SYN2: variants seen among roughly 807,000 people sequenced by gnomAD.
SYN2 encodes the protein synapsin-2.
In SYN2, 19 loss-of-function variants were observed where a neutral mutation model predicts 50.9. The ratio of observed to expected loss-of-function variants is 0.37; its 90% CI spans 0.26 to 0.55. The LOEUF is 0.55. Ranked by LOEUF, SYN2 falls within the 20% of genes least tolerant of loss-of-function variation. SYN2 has a pLI of 0.81. For synonymous variants in SYN2, 255 were observed against 224.9 expected, an observed-to-expected ratio of 1.13 and a Z score of -1.20; for missense variants, 587 against 576.4, an observed-to-expected ratio of 1.02 and a Z score of -0.19.
At chr3:12,178,931 G>A (rs1438093677) in intron 10 of SYN2, among the ~76,000 whole-genome samples, 1 of 152,228 alleles carries the variant, frequency 6.6e-6, no homozygotes, top group Non-Finnish European at 1.5e-5. Context: ...CCAATTCAGG[G>A]AGTTCTCCAC....
At chr3:12,142,201 A>G (rs1007640992) in intron 3 of SYN2, among the ~76,000 whole-genome samples, 10 of 152,210 alleles carry the variant, frequency 6.6e-5, no homozygotes, top group South Asian at 6.2e-4. Context: ...AGTGGTAGAG[A>G]AAACAACCTG....
intron 1 of SYN2, among the ~76,000 whole-genome samples, chr3:12,022,582 A>AT (rs767891060): frequency 6.6e-6 from 1 of 151,296 alleles, no homozygotes; most frequent in African/African-American, 2.4e-5. Flanking sequence ...TAATTTTTGT[A>AT]TTTTTTTAGT....
chr3:12,137,433 C>G (rs1696918633), intron 1 of SYN2, among the ~76,000 whole-genome samples: 1 of 152,196 alleles, frequency 6.6e-6, no homozygotes, highest in Admixed American at 6.5e-5. Context: ...GTAACTGTGT[C>G]TGTTCCTTGT....
At chr3:12,111,817 T>C (rs1696322430) in intron 1 of SYN2, among the ~76,000 whole-genome samples, 1 of 152,236 alleles carries the variant, frequency 6.6e-6, no homozygotes, top group East Asian at 1.9e-4. Flanking sequence ...TATTGACTAC[T>C]GTTCCACGTT....
At chr3:12,022,555 A>G (rs940075497) in intron 1 of SYN2, among the ~76,000 whole-genome samples, 27 of 151,138 alleles carry the variant, frequency 1.8e-4, no homozygotes, top group African/African-American at 6.6e-4. Context: ...CTACAGGTGC[A>G]CGCCACCATG....
chr3:12,103,625 A>G (rs1696120817), intron 1 of SYN2, among the ~76,000 whole-genome samples: 1 of 152,116 alleles, frequency 6.6e-6, no homozygotes, highest in Non-Finnish European at 1.5e-5. Context: ...AGATTGAGAA[A>G]CCCGCTTCCA....
At chr3:12,021,236 A>G (rs1487267373) in intron 1 of SYN2, among the ~76,000 whole-genome samples, 5 of 152,324 alleles carry the variant, frequency 3.3e-5, no homozygotes, top group East Asian at 1.9e-4. Flanking sequence ...GAGACCAACT[A>G]CTTGATCAAA....
chr3:12,145,582 G>T, intron 3 of SYN2, 97 bp from the exon 4 acceptor site: 1 of 1,387,314 alleles, frequency 7.2e-7, no homozygotes. Context: ...TGGTTCCTAA[G>T]CCCTCTTCTT....
At chr3:12,035,266 G>A (rs1694473571) in intron 1 of SYN2, among the ~76,000 whole-genome samples, 3 of 152,206 alleles carry the variant, frequency 2.0e-5, no homozygotes, top group Admixed American at 2.0e-4. Flanking sequence ...TGCCCCCTTG[G>A]CTTTGCTGGG....
intron 4 of SYN2, among the ~76,000 whole-genome samples, chr3:12,146,356 T>A (rs752721246): frequency 6.6e-6 from 1 of 152,196 alleles, no homozygotes; most frequent in African/African-American, 2.4e-5. Context: ...CAAATACTTA[T>A]GAGCTAGAAG....
At chr3:12,013,286 C>T (rs188466665) in intron 1 of SYN2, among the ~76,000 whole-genome samples, 1 of 152,294 alleles carries the variant, frequency 6.6e-6, no homozygotes, top group Non-Finnish European at 1.5e-5. Flanking sequence ...TCTCTTCATA[C>T]TTGTTTTATC....
intron 10 of SYN2, among the ~76,000 whole-genome samples, chr3:12,180,914 A>T (rs1698206226): frequency 6.6e-6 from 1 of 152,216 alleles, no homozygotes; most frequent in Admixed American, 6.5e-5. Flanking sequence ...TTAAAGCTTA[A>T]TCTATGGGAT....
intron 1 of SYN2, among the ~76,000 whole-genome samples, chr3:12,085,003 A>AG (rs1695661033): frequency 6.6e-6 from 1 of 151,716 alleles, no homozygotes; most frequent in Non-Finnish European, 1.5e-5. Context: ...ACTAGGAAAA[A>AG]AAAAATCAGC....
chr3:12,142,345 C>CTT (rs1697039508), intron 3 of SYN2, among the ~76,000 whole-genome samples: 1 of 152,182 alleles, frequency 6.6e-6, no homozygotes, highest in Non-Finnish European at 1.5e-5. Flanking sequence ...AGTTCCATTG[C>CTT]TTTAAAACAA....
chr3:12,143,694 G>T (rs1464347000), intron 3 of SYN2, among the ~76,000 whole-genome samples: 1 of 152,120 alleles, frequency 6.6e-6, no homozygotes, highest in Non-Finnish European at 1.5e-5. Flanking sequence ...TCCACTGATG[G>T]ATACTTAGGT....
At chr3:12,056,176 T>G (rs1438540358) in intron 1 of SYN2, among the ~76,000 whole-genome samples, 5 of 152,064 alleles carry the variant, frequency 3.3e-5, no homozygotes, top group Admixed American at 3.3e-4. Flanking sequence ...TTTGTTTTTT[T>G]TTTTTTAAAT....
intron 10 of SYN2, among the ~76,000 whole-genome samples, chr3:12,174,572 C>T (rs941897541): frequency 1.3e-5 from 2 of 152,170 alleles, no homozygotes; most frequent in African/African-American, 4.8e-5. Flanking sequence ...ACCACCGCCT[C>T]CCGGGTTCAA....
At chr3:12,069,243 C>A (rs1371695205) in intron 1 of SYN2, among the ~76,000 whole-genome samples, 1 of 73,828 alleles carries the variant, frequency 1.4e-5, no homozygotes, top group Non-Finnish European at 2.3e-5. Flanking sequence ...AATTGTATGA[C>A]CTTTTTTTTT....
intron 1 of SYN2, among the ~76,000 whole-genome samples, chr3:12,104,596 A>T (rs1696145103): frequency 2.5e-5 from 2 of 80,824 alleles, no homozygotes; most frequent in African/African-American, 5.0e-5. Context: ...TTTTTTTGAG[A>T]CTGAGTCTCA....
Sources: allele counts gnomAD v4.1 joint callset (sites outside exome capture counted in the v4.1 genomes callset), GRCh38; gene constraint gnomAD v4.1.1; transcripts MANE v1.5; gene names NCBI Gene and HGNC (gene_info 2026-07-23, HGNC 2026-07-21).